BCL2: variants seen among roughly 807,000 people sequenced by gnomAD.
The protein encoded by BCL2 is apoptosis regulator Bcl-2.
Under a neutral mutation model 14.2 loss-of-function variants are expected in BCL2, and 1 was observed. That is an observed-to-expected ratio of 0.07 (90% CI 0.02 to 0.33). BCL2 has a LOEUF of 0.33. BCL2 is among the 10% of genes least tolerant of loss of function. The pLI, the probability that BCL2 is intolerant of heterozygous loss-of-function variation, is 0.99. For synonymous variants in BCL2, 151 were observed against 137.2 expected (o/e 1.10, Z -0.70); for missense variants, 247 against 305.9 (o/e 0.81, Z 1.44).
intron 2 of BCL2, among the ~76,000 whole-genome samples, chr18:63,216,374 G>A (rs538528401): frequency 2.3e-4 from 33 of 144,282 alleles, no homozygotes; most frequent in African/African-American, 8.1e-4. Flanking sequence ...ACACTGAAAG[G>A]AACATAGGAG....
At chr18:63,283,106 C>A (rs77138381) in intron 2 of BCL2, among the ~76,000 whole-genome samples, 2,208 of 152,306 alleles carry the variant, frequency 0.014, 54 homozygotes, top group African/African-American at 0.05. Context: ...CTTTCAAGAC[C>A]TATTTCCCCT....
At chr18:63,142,114 G>GT (rs144617136) in intron 2 of BCL2, among the ~76,000 whole-genome samples, 2,199 of 152,352 alleles carry the variant, frequency 0.014, 59 homozygotes, top group African/African-American at 0.05. Context: ...CAAATGTTTG[G>GT]TTTTCACTTG....
rs1305717060 is a variant in BCL2, at chr18:63,245,527, T to C, written c.585+72555A>G. On this transcript the variant is annotated intron_variant, in intron 2 of 2. Coordinates refer to ENST00000333681, the MANE Select transcript of BCL2 (RefSeq NM_000633.3). Reference sequence around the variant, plus strand: ...ATAAAAGTACAGGGAGACAAGGGAGTTTCTTGGTAGGGATGGAATAACCCT... The same window carrying C: ...ATAAAAGTACAGGGAGACAAGGGAGCTTCTTGGTAGGGATGGAATAACCCT... 5.3e-5 allele frequency among the ~76,000 whole-genome samples: 8 copies of C among 151,916 alleles called. No individual in the cohort carries two copies. The East Asian group carries it at 1.5e-3, about 29-fold the overall frequency.
At chr18:63,317,635 G>C in intron 2 of BCL2, 1 of 1,014,402 alleles carries the variant, frequency 9.9e-7, no homozygotes, top group Non-Finnish European at 1.2e-6. Context: ...TGTACAACGG[G>C]CTTGTTTCAG....
chr18:63,225,291 A>T (rs1421425801), intron 2 of BCL2, among the ~76,000 whole-genome samples: 2 of 152,196 alleles, frequency 1.3e-5, no homozygotes, highest in Non-Finnish European at 2.9e-5. Flanking sequence ...TGGGAGAAAG[A>T]GGGGAGAGGA....
At chr18:63,307,066 T>C (rs1264225170) in intron 2 of BCL2, among the ~76,000 whole-genome samples, 5 of 152,164 alleles carry the variant, frequency 3.3e-5, no homozygotes, top group Non-Finnish European at 7.3e-5. Flanking sequence ...TGATCTCTTG[T>C]TCTGTCTGCT....
intron 2 of BCL2, among the ~76,000 whole-genome samples, chr18:63,156,033 G>A (rs1027138318): frequency 1.6e-5 from 2 of 124,146 alleles, no homozygotes; most frequent in African/African-American, 2.9e-5. Context: ...TAAGACCAGA[G>A]ATCATTTTAG....
intron 2 of BCL2, 90 bp downstream of exon 2, chr18:63,317,992 T>C: frequency 6.6e-7 from 1 of 1,524,186 alleles, no homozygotes; most frequent in Non-Finnish European, 8.8e-7. Context: ...CTCCACAGCC[T>C]CCCATTGCCC....
At chr18:63,286,905 T>C (rs1235470852) in intron 2 of BCL2, among the ~76,000 whole-genome samples, 1 of 152,072 alleles carries the variant, frequency 6.6e-6, no homozygotes, top group African/African-American at 2.4e-5. Flanking sequence ...ATAAGACCCA[T>C]TCAAAAGACA....
At chr18:63,179,525 G>C (rs186319840) in intron 2 of BCL2, among the ~76,000 whole-genome samples, 2 of 151,618 alleles carry the variant, frequency 1.3e-5, no homozygotes, top group African/African-American at 4.9e-5. Flanking sequence ...GTAAAGGTGA[G>C]GAAAGGTAAC....
intron 2 of BCL2, among the ~76,000 whole-genome samples, chr18:63,203,165 G>A (rs1430877295): frequency 6.6e-6 from 1 of 152,216 alleles, no homozygotes; most frequent in Non-Finnish European, 1.5e-5. Context: ...ACGTCTGAGT[G>A]TGAATTAAAA....
intron 2 of BCL2, among the ~76,000 whole-genome samples, chr18:63,262,634 ACATC>A (rs1911694738): frequency 6.6e-6 from 1 of 152,210 alleles, no homozygotes; most frequent in South Asian, 2.1e-4. Context: ...GACCAGTCAG[ACATC>A]CCACTATGAC....
chr18:63,169,471 T>TCTCC (rs556476803), intron 2 of BCL2, among the ~76,000 whole-genome samples: 12 of 139,956 alleles, frequency 8.6e-5, no homozygotes, highest in Non-Finnish European at 1.7e-4. Context: ...TCCCTCCCTG[T>TCTCC]CTCCCTCCCT....
intron 2 of BCL2, among the ~76,000 whole-genome samples, chr18:63,189,128 A>C (rs938758581): frequency 2.6e-5 from 4 of 151,446 alleles, no homozygotes; most frequent in Non-Finnish European, 5.9e-5. Flanking sequence ...GCATTTTCAA[A>C]ATTAAGGTCA....
At chr18:63,137,289 G>A (rs1914232608) in intron 2 of BCL2, among the ~76,000 whole-genome samples, 1 of 152,186 alleles carries the variant, frequency 6.6e-6, no homozygotes, top group Non-Finnish European at 1.5e-5. Context: ...CCTGTTCACA[G>A]TATTATACGA....
intron 2 of BCL2, among the ~76,000 whole-genome samples, chr18:63,287,488 G>C (rs139796557): frequency 6.6e-6 from 1 of 152,120 alleles, no homozygotes; most frequent in Non-Finnish European, 1.5e-5. Flanking sequence ...CAGGGCTAAG[G>C]GTTAGGGGGT....
At chr18:63,228,108 T>C (rs1261089959) in intron 2 of BCL2, among the ~76,000 whole-genome samples, 1 of 152,222 alleles carries the variant, frequency 6.6e-6, no homozygotes, top group Non-Finnish European at 1.5e-5. Flanking sequence ...ATCTCTTCCT[T>C]CTTTTTCTTA....
chr18:63,313,179 T>C (rs1913389900), intron 2 of BCL2, among the ~76,000 whole-genome samples: 1 of 152,196 alleles, frequency 6.6e-6, no homozygotes, highest in African/African-American at 2.4e-5. Context: ...TTAAGATGCC[T>C]GCAACACTAG....
intron 2 of BCL2, among the ~76,000 whole-genome samples, chr18:63,219,196 G>GT (rs1174237847): frequency 1.3e-5 from 2 of 152,132 alleles, no homozygotes; most frequent in East Asian, 1.9e-4. Context: ...ACTCTTGCAG[G>GT]TTTTTGTTTG....
Sources: allele counts gnomAD v4.1 joint callset (sites outside exome capture counted in the v4.1 genomes callset), GRCh38; gene constraint gnomAD v4.1.1; transcripts MANE v1.5; gene names NCBI Gene and HGNC (gene_info 2026-07-23, HGNC 2026-07-21).